Variants in FABP6 observed in about 807,000 individuals in gnomAD.
FABP6 encodes the protein fatty acid binding protein 6.
In FABP6, 13 loss-of-function variants were observed where a neutral mutation model predicts 14.9. The observed-to-expected ratio is 0.87, with a 90% CI of 0.57 to 1.39. FABP6 has a LOEUF of 1.39. Among genes scored for constraint, FABP6 ranks in the 40% most tolerant of loss-of-function variants. The pLI is 0.00. For synonymous variants in FABP6, 75 were observed against 63.6 expected (o/e 1.18, Z -0.85); for missense variants, 161 against 167.2 (o/e 0.96, Z 0.20).
intron 3 of FABP6, among the ~76,000 whole-genome samples, chr5:160,215,019 A>C (rs1759982380): frequency 6.6e-6 from 1 of 152,198 alleles, no homozygotes; most frequent in South Asian, 2.1e-4. Context: ...GTGGAACTTC[A>C]GCTGTATTCC....
chr5:160,207,309 A>G (rs1759788894), intron 2 of FABP6, among the ~76,000 whole-genome samples: 2 of 152,262 alleles, frequency 1.3e-5, no homozygotes, highest in Admixed American at 6.5e-5. Flanking sequence ...TCTTCCATCC[A>G]TCAGCTTTTT....
chr5:160,188,447 A>C, intron 1 of FABP6, among the ~76,000 whole-genome samples: 1 of 140,262 alleles, frequency 7.1e-6, no homozygotes, highest in Non-Finnish European at 1.6e-5. Context: ...CGGGGGAGGG[A>C]TTGGGGGGCC....
chr5:160,227,268 C>T (rs1291969216), upstream of FABP6, among the ~76,000 whole-genome samples: 4 of 152,072 alleles, frequency 2.6e-5, no homozygotes, highest in Non-Finnish European at 5.9e-5. Flanking sequence ...GGTGTGGTGG[C>T]TCAGGCCTCT....
intron 2 of FABP6, among the ~76,000 whole-genome samples, chr5:160,233,015 T>C (rs1411906227): frequency 6.8e-6 from 1 of 147,382 alleles, no homozygotes; most frequent in African/African-American, 2.5e-5. Context: ...CGAGACTCAC[T>C]CTGTCACCCA....
chr5:160,214,915 G>A (rs1759981056), intron 3 of FABP6, among the ~76,000 whole-genome samples: 1 of 152,148 alleles, frequency 6.6e-6, no homozygotes, highest in South Asian at 2.1e-4. Context: ...ACTGTTCCTA[G>A]TGAGGTGGCT....
Position 160,238,593 on chromosome 5 carries a change from C to G in FABP6, c.334-13C>G. ...GGGGCACTGACTCCCTCTGTCCCGG[C>G]TGCTTCTTTCAGGTCTCCACCATCG... On this transcript the variant is annotated splice_polypyrimidine_tract_variant and intron_variant, in intron 3 of 3. Transcript: ENST00000402432. The G allele has an allele frequency of 2.5e-6, 4 of 1,613,786 alleles. No homozygotes were observed. Among genetic ancestry groups the G allele is most frequent in the Non-Finnish European group, 3.4e-6 (4 of 1,179,702 alleles).
At chr5:160,207,890 A>G (rs969067105) in intron 2 of FABP6, among the ~76,000 whole-genome samples, 1 of 151,934 alleles carries the variant, frequency 6.6e-6, no homozygotes, top group Non-Finnish European at 1.5e-5. Context: ...CGCCCAGCTA[A>G]TTTTTGTATT....
intron 2 of FABP6, among the ~76,000 whole-genome samples, chr5:160,200,136 C>T (rs1759604559): frequency 6.6e-6 from 1 of 152,230 alleles, no homozygotes; most frequent in African/African-American, 2.4e-5. Flanking sequence ...CGACCTTAGA[C>T]AGCCTTCCTA....
chr5:160,227,246 CT>C (rs11314491), upstream of FABP6, among the ~76,000 whole-genome samples: 12,532 of 152,050 alleles, frequency 0.082, 671 homozygotes, highest in Admixed American at 0.19. Context: ...ATTTAAAAGC[CT>C]AAAAGGGCTG....
At chr5:160,209,382 G>T (rs1287760894) in intron 2 of FABP6, among the ~76,000 whole-genome samples, 1 of 152,094 alleles carries the variant, frequency 6.6e-6, no homozygotes, top group Non-Finnish European at 1.5e-5. Context: ...AATTAGTCGG[G>T]TGTGGTGGCC....
intron 1 of FABP6, 30 bp downstream of exon 1, chr5:160,229,654 G>T: frequency 2.5e-6 from 4 of 1,611,232 alleles, no homozygotes; most frequent in Non-Finnish European, 3.4e-6. Flanking sequence ...TCCCTTCCTC[G>T]GGGTTGGTTT....
chr5:160,193,344 T>C (rs996171276), intron 1 of FABP6, among the ~76,000 whole-genome samples: 1 of 152,092 alleles, frequency 6.6e-6, no homozygotes, highest in African/African-American at 2.4e-5. Flanking sequence ...GTGTTATAGC[T>C]CATAAAAGCA....
At chr5:160,229,761 G>C in intron 1 of FABP6, 137 bp downstream of exon 1, 1 of 672,172 alleles carries the variant, frequency 1.5e-6, no homozygotes, top group South Asian at 2.4e-5. Context: ...TCACACATTT[G>C]TTGAGCAACT....
intron 2 of FABP6, among the ~76,000 whole-genome samples, chr5:160,200,986 G>A (rs1759626435): frequency 1.3e-5 from 2 of 152,142 alleles, no homozygotes; most frequent in African/African-American, 2.4e-5. Flanking sequence ...CTACAAGAGG[G>A]TCATATATAT....
intron 3 of FABP6, among the ~76,000 whole-genome samples, chr5:160,214,103 CTTTCT>C (rs1323048294): frequency 1.7e-5 from 2 of 120,850 alleles, no homozygotes; most frequent in Admixed American, 1.7e-4. Context: ...TTCTTTCTTT[CTTTCT>C]TTCTTTCTTT....
chr5:160,209,470 C>T (rs1490645894), intron 2 of FABP6, among the ~76,000 whole-genome samples: 2 of 152,154 alleles, frequency 1.3e-5, no homozygotes, highest in African/African-American at 2.4e-5. Context: ...GTTCAGTGAA[C>T]AGTGATTGCC....
chr5:160,231,935 C>T (rs1760390967), intron 1 of FABP6, 163 bp from the exon 2 acceptor site: 4 of 701,758 alleles, frequency 5.7e-6, no homozygotes, highest in Non-Finnish European at 9.3e-6. Flanking sequence ...CCACATGGCT[C>T]ACAGCACGTA....
At chr5:160,200,868 G>A (rs1043008436) in intron 2 of FABP6, among the ~76,000 whole-genome samples, 1 of 152,106 alleles carries the variant, frequency 6.6e-6, no homozygotes, top group African/African-American at 2.4e-5. Context: ...AGAGGGGAAG[G>A]TGGCCTTAGC....
chr5:160,204,307 A>C (rs1198534200), intron 2 of FABP6, among the ~76,000 whole-genome samples: 1 of 151,868 alleles, frequency 6.6e-6, no homozygotes, highest in Non-Finnish European at 1.5e-5. Flanking sequence ...ATAGAGTGAG[A>C]CTCCCCATCT....
Sources: gnomAD v4.1 joint callset for allele counts (sites outside exome capture counted in the v4.1 genomes callset) on GRCh38, gnomAD v4.1.1 for gene constraint, MANE v1.5 for transcripts, NCBI Gene and HGNC (gene_info 2026-07-23, HGNC 2026-07-21) for gene names.